The following VSIG10 variants were observed in gnomAD, a reference collection of about 807,000 sequenced individuals.
VSIG10 encodes V-set and immunoglobulin domain containing 10.
In VSIG10, 48 loss-of-function variants were observed where a neutral mutation model predicts 58.7. The ratio of observed to expected loss-of-function variants is 0.82; its 90% CI spans 0.65 to 1.04. VSIG10 has a LOEUF of 1.04. Among genes scored for constraint, VSIG10 ranks in the 50% least tolerant of loss-of-function variants. The pLI, the probability that VSIG10 is intolerant of heterozygous loss-of-function variation, is 0.00. For synonymous variants in VSIG10, 260 were observed against 267.1 expected (o/e 0.97, Z 0.26); for missense variants, 628 against 670.0 (o/e 0.94, Z 0.69).
At chr12:118,090,436 A>C (rs1316375309) in intron 2 of VSIG10, among the ~76,000 whole-genome samples, 3 of 152,266 alleles carry the variant, frequency 2.0e-5, no homozygotes, top group South Asian at 2.1e-4. Context: ...TAGATACCAA[A>C]GGTTAGGACT....
chr12:118,103,467 G>A, intron 1 of VSIG10, 126 bp downstream of exon 1: 1 of 983,966 alleles, frequency 1.0e-6, no homozygotes, highest in Non-Finnish European at 1.4e-6. Flanking sequence ...GACCCTCCTG[G>A]GGCAGCTTCT....
chr12:118,082,054 C>T (rs1189601094), intron 3 of VSIG10, 73 bp downstream of exon 3: 2 of 1,320,780 alleles, frequency 1.5e-6, no homozygotes, highest in Non-Finnish European at 2.0e-6. Flanking sequence ...ATGGGAGAGG[C>T]ACAAACGTGC....
Position 118,095,562 on chromosome 12 carries a change from T to A in VSIG10, c.332A>T (p.Gln111Leu). 6.2e-7 allele frequency: 1 copy of A among 1,613,966 alleles called. No individual in the cohort carries two copies. The highest frequency in any genetic ancestry group is 8.5e-7 in the Non-Finnish European group (1 of 1,179,890). The change falls in exon 2 of 9, where the codon CAG becomes CTG. Residue 111 changes from glutamine to leucine, a missense_variant. Physicochemically the swap from Gln to Leu is moderately radical, Grantham distance 113 (BLOSUM62 -2). Coordinates refer to ENST00000359236, the MANE Select transcript of VSIG10 (RefSeq NM_019086.6). ...YTCQEILNVT[Q>L]WFQVWLQVAS... ...CACCTGCAGCCACACTTGGAACCAC[T>A]GAGTCACATTCAGGATCTCCTGGCA...
chr12:118,076,198 G>T (rs1292977497), intron 4 of VSIG10, among the ~76,000 whole-genome samples: 2 of 152,134 alleles, frequency 1.3e-5, no homozygotes, highest in Non-Finnish European at 2.9e-5. Context: ...AGTCTAGAAC[G>T]TCTTACAAGG....
chr12:118,077,617 GAC>G (rs972140741), intron 4 of VSIG10, among the ~76,000 whole-genome samples: 8 of 152,130 alleles, frequency 5.3e-5, no homozygotes, highest in African/African-American at 1.9e-4. Context: ...TTATTTCTAA[GAC>G]ACAGAGTGTG....
intron 4 of VSIG10, 100 bp downstream of exon 4, chr12:118,079,246 C>G: frequency 1.3e-6 from 2 of 1,485,652 alleles, no homozygotes; most frequent in South Asian, 1.3e-5. Flanking sequence ...TCCACCCTGA[C>G]ATCCGGGGAT....
chr12:118,088,689 A>AC (rs2033204640), intron 2 of VSIG10, among the ~76,000 whole-genome samples: 5 of 152,136 alleles, frequency 3.3e-5, no homozygotes. Context: ...GGCAGAGAGG[A>AC]GTCTGCTGTT....
intron 4 of VSIG10, among the ~76,000 whole-genome samples, chr12:118,076,146 G>T (rs961734408): frequency 3.9e-5 from 6 of 152,138 alleles, no homozygotes; most frequent in Non-Finnish European, 7.3e-5. Context: ...AAACTTAGTG[G>T]CTTAAAGCAC....
chr12:118,074,554 C>T (rs2032635715), intron 4 of VSIG10, among the ~76,000 whole-genome samples: 2 of 151,718 alleles, frequency 1.3e-5, no homozygotes, highest in Admixed American at 1.3e-4. Context: ...TCTCAGCTCA[C>T]TGCAATCTCC....
intron 1 of VSIG10, among the ~76,000 whole-genome samples, chr12:118,099,370 C>T (rs959254575): frequency 6.6e-6 from 1 of 152,030 alleles, no homozygotes; most frequent in African/African-American, 2.4e-5. Flanking sequence ...AACTCCTGGA[C>T]TCAAGCATTC....
intron 2 of VSIG10, among the ~76,000 whole-genome samples, chr12:118,087,974 G>A (rs1490027375): frequency 3.3e-5 from 5 of 152,006 alleles, no homozygotes; most frequent in African/African-American, 9.7e-5. Context: ...GGCTGGGCGC[G>A]GTGGCTCATG....
chr12:118,103,599 C>G lies in VSIG10; in HGVS notation c.73G>C (p.Ala25Pro), dbSNP rs1326631317. The change falls in exon 1 of 9, where the codon GCC becomes CCC. Residue 25 changes from alanine (A) to proline (P), a missense_variant. Transcript: ENST00000359236. ...CCAGATCGCGGCCCCTTACCTACGG[C>G]GACCCAGCCGGCCAGGAGCGCCCCG... ...CLGALLAGWV[A>P]VGLEAVVIGE... 6.6e-7 allele frequency: 1 copy of G among 1,521,580 alleles called. No homozygotes were observed. Among genetic ancestry groups the G allele is most frequent in the Non-Finnish European group, 8.8e-7 (1 of 1,140,366 alleles). 94.3% of individuals were successfully genotyped at this position (1,521,580 alleles called of 1,614,324 possible).
chr12:118,091,209 G>C (rs542341851), intron 2 of VSIG10, among the ~76,000 whole-genome samples: 1 of 152,134 alleles, frequency 6.6e-6, no homozygotes, highest in East Asian at 1.9e-4. Context: ...AAATGTTTCA[G>C]GGGCTGGGTA....
intron 2 of VSIG10, among the ~76,000 whole-genome samples, chr12:118,092,274 A>G (rs565122623): frequency 6.6e-6 from 1 of 152,230 alleles, no homozygotes; most frequent in East Asian, 1.9e-4. Context: ...TACATTCCCT[A>G]GGCTGGTCTC....
At chr12:118,078,267 T>A (rs1190200338) in intron 4 of VSIG10, among the ~76,000 whole-genome samples, 1 of 152,172 alleles carries the variant, frequency 6.6e-6, no homozygotes, top group African/African-American at 2.4e-5. Flanking sequence ...CACGCAGTTC[T>A]CCTGCCTCAG....
At chr12:118,075,885 CA>C (rs2032706735) in intron 4 of VSIG10, among the ~76,000 whole-genome samples, 1 of 152,164 alleles carries the variant, frequency 6.6e-6, no homozygotes, top group South Asian at 2.1e-4. Context: ...TCAGAGTGAT[CA>C]ACTGCCCCAG....
Position 118,066,571 on chromosome 12 carries a change from T to C in VSIG10, c.*68A>G, listed in dbSNP as rs2032253160. 1.3e-6 allele frequency: 2 copies of C among 1,583,032 alleles called. No homozygotes were observed. Among genetic ancestry groups the C allele is most frequent in the Non-Finnish European group, 1.7e-6 (2 of 1,151,916 alleles). On this transcript the variant is annotated 3_prime_UTR_variant, in exon 9 of 9. Transcript: ENST00000359236. ...GGGTGCAGGTGGAGTCAAAGCTGAA[T>C]GAAGAGCTCGTCTTCAATGTAGCTC...
At chr12:118,077,473 C>T (rs764151677) in intron 4 of VSIG10, among the ~76,000 whole-genome samples, 2 of 152,100 alleles carry the variant, frequency 1.3e-5, no homozygotes, top group Non-Finnish European at 2.9e-5. Flanking sequence ...TCCTTCTACC[C>T]CCATGCCACC....
intron 2 of VSIG10, among the ~76,000 whole-genome samples, chr12:118,092,043 A>T (rs2033314975): frequency 6.6e-6 from 1 of 151,992 alleles, no homozygotes; most frequent in African/African-American, 2.4e-5. Context: ...GGCGTGAGCC[A>T]CCACATCCAG....
Sources: gnomAD v4.1 joint callset for allele counts (sites outside exome capture counted in the v4.1 genomes callset) on GRCh38, gnomAD v4.1.1 for gene constraint, MANE v1.5 for transcripts, NCBI Gene and HGNC (gene_info 2026-07-23, HGNC 2026-07-21) for gene names.